Variants in KALRN observed in about 807,000 individuals in gnomAD.
KALRN encodes the protein kalirin RhoGEF kinase.
Under a neutral mutation model 353.7 loss-of-function variants are expected in KALRN, and 70 were observed. The observed-to-expected ratio is 0.20, with a 90% confidence interval of 0.16 to 0.24. KALRN has a LOEUF of 0.24. KALRN is among the 10% of genes least tolerant of loss of function. The probability of loss-of-function intolerance (pLI) is 1.00; values close to 1 mark genes in which losing one functional copy is unlikely to be tolerated. For missense variants in KALRN, 2,791 were observed against 3,756.7 expected (o/e 0.74, Z 6.72); for synonymous variants, 1,391 against 1,434.8 (o/e 0.97, Z 0.69).
At chr3:124,119,655 G>A (rs1304567690) in intron 1 of KALRN, among the ~76,000 whole-genome samples, 2 of 152,196 alleles carry the variant, frequency 1.3e-5, no homozygotes, top group Admixed American at 6.5e-5. Context: ...CATTCAGATC[G>A]GGTAGGACTG....
At chr3:124,152,429 A>G (rs557478629) in intron 1 of KALRN, 20 of 1,357,832 alleles carry the variant, frequency 1.5e-5, no homozygotes, top group East Asian at 2.3e-5. Flanking sequence ...ACAAATGCCA[A>G]TTTGGGTTCT....
intron 1 of KALRN, among the ~76,000 whole-genome samples, chr3:124,187,534 T>C (rs1030547588): frequency 1.3e-5 from 2 of 152,068 alleles, no homozygotes. Context: ...CATCTTCACC[T>C]AAGTTTCTAT....
chr3:124,638,335 TA>T (rs3836300), intron 37 of KALRN, among the ~76,000 whole-genome samples: 42,514 of 146,702 alleles, frequency 0.29, 6,148 homozygotes, highest in East Asian at 0.43. Context: ...CCTTTCTAAT[TA>T]AAAAAAAAAA....
chr3:124,605,551 C>T (rs377617495), intron 34 of KALRN, among the ~76,000 whole-genome samples: 7 of 137,688 alleles, frequency 5.1e-5, no homozygotes, highest in East Asian at 4.3e-4. Context: ...CCAGCCTGGG[C>T]GAAGAAATGG....
chr3:124,251,355 CT>C (rs57628448), intron 3 of KALRN, among the ~76,000 whole-genome samples: 233 of 133,680 alleles, frequency 1.7e-3, no homozygotes, highest in African/African-American at 5.2e-3. Flanking sequence ...CAAGTCTTTG[CT>C]TTTTTTTTTT....
At chr3:124,522,470 C>T (rs2067242724) in intron 33 of KALRN, among the ~76,000 whole-genome samples, 1 of 152,092 alleles carries the variant, frequency 6.6e-6, no homozygotes, top group African/African-American at 2.4e-5. Context: ...CTGCTTCCTA[C>T]TCCTTACAGA....
At chr3:124,198,285 T>A (rs1330726810) in intron 1 of KALRN, among the ~76,000 whole-genome samples, 1 of 152,212 alleles carries the variant, frequency 6.6e-6, no homozygotes, top group African/African-American at 2.4e-5. Context: ...ACTCCATAAC[T>A]CATGATTTGT....
At chr3:124,172,496 A>G (rs2071996864) in intron 1 of KALRN, among the ~76,000 whole-genome samples, 1 of 152,184 alleles carries the variant, frequency 6.6e-6, no homozygotes, top group African/African-American at 2.4e-5. Flanking sequence ...ACATGGGTGT[A>G]AGATTTGGAT....
intron 34 of KALRN, among the ~76,000 whole-genome samples, chr3:124,600,095 T>A (rs949513856): frequency 1.3e-5 from 2 of 152,232 alleles, no homozygotes; most frequent in Non-Finnish European, 2.9e-5. Flanking sequence ...TGGGCAAGGC[T>A]TCCCAAAAGG....
intron 18 of KALRN, among the ~76,000 whole-genome samples, 159 bp downstream of exon 18, chr3:124,439,196 T>TCACACACACACACACACACACACA (rs1491034990): frequency 1.3e-5 from 1 of 79,234 alleles, no homozygotes; most frequent in African/African-American, 5.1e-5. Context: ...CTTCTCTCTC[T>TCACACACACACACACACACACACA]CTCTCACACA....
chr3:124,066,341 A>G (rs2042360738), intron 1 of KALRN, among the ~76,000 whole-genome samples: 1 of 152,202 alleles, frequency 6.6e-6, no homozygotes, highest in African/African-American at 2.4e-5. Context: ...TGAGTTGCAT[A>G]GTATAGAGAT....
chr3:124,395,309 G>A lies in KALRN; in HGVS notation c.2137G>A (p.Ala713Thr). 9.3e-6 allele frequency: 15 copies of A among 1,613,574 alleles called. No homozygotes were observed. The highest frequency in any genetic ancestry group is 1.3e-5 in the Non-Finnish European group (15 of 1,179,900). Reference protein sequence around the residue: ...GEDLIQQLRSAPPSLGEPSEA... With the variant: ...GEDLIQQLRSTPPSLGEPSEA... ...AGACCTTATCCAGCAGCTCAGGTCA[G>A]CGCCTCCCTCCCTCGGGGAGCCCAG... Residue 713 changes from alanine to threonine, a missense_variant, in exon 12 of 60, where the codon GCG becomes ACG. Physicochemically the swap from Ala to Thr is moderately conservative, Grantham distance 58 (BLOSUM62 0). Around this residue, in one of 11 missense-constraint regions of KALRN, gnomAD observed 452 missense variants for 575.8 expected, o/e 0.78. Coordinates refer to ENST00000682506, the MANE Select transcript of KALRN (RefSeq NM_001388419.1).
intron 1 of KALRN, among the ~76,000 whole-genome samples, chr3:124,209,620 T>TATGTGG (rs2076730998): frequency 6.6e-6 from 1 of 151,914 alleles, no homozygotes; most frequent in Non-Finnish European, 1.5e-5. Context: ...GGAATTTGCC[T>TATGTGG]ATGTGGTTTT....
At chr3:124,525,939 C>T (rs1308183085) in intron 33 of KALRN, among the ~76,000 whole-genome samples, 1 of 152,078 alleles carries the variant, frequency 6.6e-6, no homozygotes, top group Non-Finnish European at 1.5e-5. Flanking sequence ...GGGAGGGGGA[C>T]AGGGTCCTTG....
chr3:124,531,673 C>T (rs1348298479), intron 33 of KALRN, among the ~76,000 whole-genome samples: 8 of 152,074 alleles, frequency 5.3e-5, no homozygotes, highest in Non-Finnish European at 1.2e-4. Flanking sequence ...TTTAAACAAC[C>T]AAATCTCACA....
intron 57 of KALRN, among the ~76,000 whole-genome samples, chr3:124,702,593 T>A (rs185695497): frequency 1.2e-4 from 19 of 152,344 alleles, no homozygotes; most frequent in Admixed American, 1.2e-3. Flanking sequence ...TGGTACTGAT[T>A]CCTTGGTTTT....
At position 124,255,689 on chromosome 3, in the gene KALRN, G is replaced by A. The variant is rs548200801; in HGVS notation, c.264-8809G>A. Among the ~76,000 whole-genome samples the A allele has an allele frequency of 3.0e-4, 46 of 152,278 alleles. No homozygotes were observed. The East Asian group carries it at 8.7e-3, about 29-fold the overall frequency. ...ACAGTTGCCACGTGGGAAAGCACAG[G>A]GTCATGGCAATGCATAGGAAGAGCC... On this transcript the variant is annotated intron_variant, in intron 3 of 59. Transcript: ENST00000682506.
chr3:124,572,513 A>G (rs2073656654), intron 34 of KALRN, among the ~76,000 whole-genome samples: 1 of 152,134 alleles, frequency 6.6e-6, no homozygotes, highest in African/African-American at 2.4e-5. Flanking sequence ...AAGACAGGGT[A>G]TGAAATGAGA....
At chr3:124,471,256 T>TTA (rs2060864304) in intron 25 of KALRN, among the ~76,000 whole-genome samples, 2 of 138,810 alleles carry the variant, frequency 1.4e-5, no homozygotes, top group South Asian at 2.4e-4. Context: ...CCCACAAAGT[T>TTA]TTATTATTAT....
Sources: gnomAD v4.1 joint callset for allele counts (sites outside exome capture counted in the v4.1 genomes callset) on GRCh38, gnomAD v4.1.1 for gene constraint, gnomAD v4.1.1 regional missense constraint, MANE v1.5 for transcripts, NCBI Gene and HGNC (gene_info 2026-07-23, HGNC 2026-07-21) for gene names.